Variants in NPC1 observed in about 807,000 individuals in gnomAD.
NPC1 encodes Niemann-Pick C1 protein.
A neutral mutation model predicts 140.4 loss-of-function variants in NPC1; 85 were observed. The observed-to-expected ratio is 0.61, with a 90% CI of 0.51 to 0.72. The LOEUF is 0.72. Ranked by LOEUF, NPC1 falls within the 30% of genes least tolerant of loss-of-function variation. The probability of loss-of-function intolerance (pLI) is 0.00; values close to 1 mark genes in which losing one functional copy is unlikely to be tolerated. For missense variants in NPC1, 1,504 were observed against 1,623.8 expected (o/e 0.93, Z 1.27); for synonymous variants, 656 against 624.8 (o/e 1.05, Z -0.74).
At chr18:23,543,400 T>C in intron 14 of NPC1, 55 bp downstream of exon 14, 1 of 1,012,668 alleles carries the variant, frequency 9.9e-7, no homozygotes, top group Admixed American at 1.7e-5. Context: ...AGCCAGCTCC[T>C]TCTTTCTCCA....
At position 23,545,246 on chromosome 18, in the gene NPC1, C is replaced by CT. The variant is rs926048108; in HGVS notation, c.1758-98dup. Reference sequence around the variant, plus strand: ...TTTCACGATACAAAGGCCACGTTTTCTTTTTTTTGGTTTTGAGACTGATTC... The same window carrying CT: ...TTTCACGATACAAAGGCCACGTTTTCTTTTTTTTTGGTTTTGAGACTGATTC... On this transcript the variant is annotated intron_variant, in intron 11 of 24. Coordinates refer to ENST00000269228, the MANE Select transcript of NPC1 (RefSeq NM_000271.5). The CT allele has an allele frequency of 8.6e-5, 81 of 938,888 alleles. 1 individual carries two copies. Among genetic ancestry groups the CT allele is most frequent in the East Asian group, 1.0e-4 (4 of 39,142 alleles). The allele number at this position is 938,888 out of a possible 1,614,324, so 58.2% of individuals were successfully genotyped here.
intron 6 of NPC1, among the ~76,000 whole-genome samples, chr18:23,557,745 A>C (rs2058975713): frequency 9.1e-6 from 1 of 110,304 alleles, no homozygotes; most frequent in Non-Finnish European, 2.1e-5. Flanking sequence ...CATCTCAAAA[A>C]AACAAACAAA....
chr18:23,517,215 T>C (rs1023633003), intron 3 of NPC1, among the ~76,000 whole-genome samples: 1 of 151,962 alleles, frequency 6.6e-6, no homozygotes, highest in African/African-American at 2.4e-5. Context: ...AGTGGCACGA[T>C]CTTGGCTCAC....
intron 3 of NPC1, among the ~76,000 whole-genome samples, chr18:23,515,304 C>T (rs2057970936): frequency 6.6e-6 from 1 of 152,212 alleles, no homozygotes; most frequent in Non-Finnish European, 1.5e-5. Flanking sequence ...CCCTAATCCA[C>T]TCTTGGAGCC....
chr18:23,540,616 A>G lies in NPC1; in HGVS notation c.2515-79T>C, dbSNP rs182156397. On this transcript the variant is annotated intron_variant, in intron 16 of 24. Transcript: ENST00000269228. ...ACCAGAAATAAAATCTTAAGCACAC[A>G]CAAAAAGCAGGATTTTTTAAAATGG... 3.4e-5 allele frequency: 36 copies of G among 1,073,366 alleles called. No individual in the cohort carries two copies. The East Asian group carries it at 8.2e-4, about 24-fold the overall frequency. 66.5% of individuals were successfully genotyped at this position (1,073,366 alleles called of 1,614,324 possible). A position where few individuals can be genotyped will look rare whatever the true frequency, so the allele number is the denominator to read the frequency against.
chr18:23,576,732 G>T, intron 1 of NPC1: 1 of 158,920 alleles, frequency 6.3e-6, no homozygotes, highest in South Asian at 1.8e-4. Flanking sequence ...TTCGCGGTGA[G>T]TGTTACAGCT....
chr18:23,567,720 G>A (rs1038055476), intron 4 of NPC1, among the ~76,000 whole-genome samples: 1 of 152,126 alleles, frequency 6.6e-6, no homozygotes, highest in African/African-American at 2.4e-5. Context: ...TCTGGGAGGA[G>A]GGTTAGCTTC....
At chr18:23,519,785 G>A (rs1424102378), downstream of NPC1, among the ~76,000 whole-genome samples, 1 of 152,144 alleles carries the variant, frequency 6.6e-6, no homozygotes, top group Non-Finnish European at 1.5e-5. Flanking sequence ...CAGTGCTGGG[G>A]GATAATGGTT....
intron 24 of NPC1, 131 bp from the exon 25 acceptor site, chr18:23,532,415 AAC>A: frequency 3.1e-6 from 3 of 959,286 alleles, no homozygotes; most frequent in Non-Finnish European, 5.0e-6. Flanking sequence ...CAGCCTGGAC[AAC>A]AGAGTGAGAC....
rs746297876 is a variant in NPC1, at chr18:23,586,497, G to A, written c.-154C>T. 146 of 1,414,704 alleles carry A rather than the reference G, an allele frequency of 1.0e-4. No homozygotes were observed. The highest frequency in any genetic ancestry group is 2.6e-4 in the Middle Eastern group (1 of 3,896). The allele number at this position is 1,414,704 out of a possible 1,614,324, so 87.6% of individuals were successfully genotyped here. ...ACCGCGGCAGCAGGCTGCGCGCGCC[G>A]GTCAGGAAGGAAGAAGGCGTCGTCG... On this transcript the variant is annotated 5_prime_UTR_variant, in exon 1 of 25. Transcript: ENST00000269228.
chr18:23,531,017 C>T (rs188118711), downstream of NPC1, among the ~76,000 whole-genome samples: 1 of 151,794 alleles, frequency 6.6e-6, no homozygotes, highest in Non-Finnish European at 1.5e-5. Context: ...TTTTTTGAGA[C>T]AGAGTCTCGC....
intron 23 of NPC1, chr18:23,533,784 G>A (rs1399589981): frequency 2.1e-6 from 1 of 468,420 alleles, no homozygotes; most frequent in Admixed American, 3.4e-5. Flanking sequence ...GGGGTTATAG[G>A]CATGAGCCAC....
rs1046907199 is a variant in NPC1 at position 23,531,693 on chromosome 18, A to G, written c.*509T>C. 60 of 1,609,526 alleles carry G rather than the reference A, an allele frequency of 3.7e-5. No homozygotes were observed. The highest frequency in any genetic ancestry group is 4.6e-5 in the Non-Finnish European group (54 of 1,179,092). On this transcript the variant is annotated 3_prime_UTR_variant, in exon 25 of 25. Transcript: ENST00000269228. ...TGGAGACCAAGCTCTAATGAGGCCT[A>G]CAACATTCTGAAATCACTTGCTGTT...
intron 24 of NPC1, chr18:23,533,129 G>A (rs559802787): frequency 3.2e-6 from 2 of 623,242 alleles, no homozygotes; most frequent in Admixed American, 6.3e-5. Context: ...GACAGATCAG[G>A]CCTCCAGAAA....
At position 23,533,344 on chromosome 18, in the gene NPC1, A is replaced by G. The variant is rs754682609; in HGVS notation, c.3754+11T>C. 7.4e-6 allele frequency: 12 copies of G among 1,612,736 alleles called. No homozygotes were observed. The South Asian group carries it at 9.9e-5, about 13-fold the overall frequency. On this transcript the variant is annotated intron_variant, in intron 24 of 24. Coordinates refer to ENST00000269228, the MANE Select transcript of NPC1 (RefSeq NM_000271.5). The stretch of plus-strand genomic sequence containing the variant: ...TCTATTGTGCCACCCTTTTAAGATG[A>G]GAACTCTTACCTATGTAACTGAGTA...
At chr18:23,524,570 A>T, downstream of NPC1, 1 of 1,386,306 alleles carries the variant, frequency 7.2e-7, no homozygotes, top group South Asian at 1.2e-5. Context: ...TTCAAGGTGA[A>T]TCTCTTAGAA....
intron 3 of NPC1, chr18:23,515,933 G>A: frequency 6.2e-7 from 1 of 1,614,154 alleles, no homozygotes; most frequent in East Asian, 2.2e-5. Context: ...ACTGCCCCGA[G>A]AGCGCCGTGA....
In NPC1 at chr18:23,548,054, T is replaced by C. The variant is rs755718928; in HGVS notation, c.1709A>G (p.Tyr570Cys). ...ALVITFPVNN[Y>C]YNDTEKLQRA... ...CTGGAGCTTCTCTGTATCATTATAG[T>C]AATTATTGACAGGGAAGGTAATCAC... Residue 570 changes from tyrosine to cysteine, a missense_variant, in exon 11 of 25, where the codon TAC becomes TGC. By Grantham distance (194) the Tyr-to-Cys change is radical. Coordinates refer to ENST00000269228, the MANE Select transcript of NPC1 (RefSeq NM_000271.5). The C allele has an allele frequency of 1.1e-5, 18 of 1,612,996 alleles. No homozygotes were observed. Among genetic ancestry groups the C allele is most frequent in the Non-Finnish European group, 1.7e-6 (2 of 1,178,928 alleles).
chr18:23,506,601 GC>G lies in NPC1; in HGVS notation c.472del (p.Gln158HisfsTer16). ...GCCATCTGGGTTGCATAATGAATGT[GC>G]TGTGAGATGCACAAGTAGATAGTTC... On this transcript the variant is annotated frameshift_variant, in exon 4 of 4. Coordinates refer to the NPC1 transcript ENST00000591107. LOFTEE classifies it low-confidence loss of function (END_TRUNC). The G allele has an allele frequency of 4.2e-6, 1 of 238,212 alleles. No individual in the cohort carries two copies. The highest frequency in any genetic ancestry group is 4.8e-5 in the South Asian group (1 of 20,766). 14.8% of individuals were successfully genotyped at this position (238,212 alleles called of 1,614,324 possible). A position where few individuals can be genotyped will look rare whatever the true frequency, so the allele number is the denominator to read the frequency against.
Sources: allele counts gnomAD v4.1 joint callset (sites outside exome capture counted in the v4.1 genomes callset), GRCh38; gene constraint gnomAD v4.1.1; transcripts MANE v1.5; gene names NCBI Gene and HGNC (gene_info 2026-07-23, HGNC 2026-07-21).